The following NECAP2 variants were observed in gnomAD, a reference collection of about 807,000 sequenced individuals.
The protein encoded by NECAP2 is adaptin ear-binding coat-associated protein 2.
In NECAP2, 38 loss-of-function variants were observed where a neutral mutation model predicts 37.8. The ratio of observed to expected loss-of-function variants is 1.01; its 90% confidence interval spans 0.78 to 1.32. NECAP2 has a LOEUF of 1.32. Ranked by LOEUF, NECAP2 falls within the 40% of genes most tolerant of loss-of-function variation. NECAP2 has a pLI of 0.00. For missense variants in NECAP2, 316 were observed against 334.5 expected, an observed-to-expected ratio of 0.94 and a Z score of 0.43; for synonymous variants, 121 against 127.7, an observed-to-expected ratio of 0.95 and a Z score of 0.35.
At chr1:16,451,703 G>C in intron 5 of NECAP2, 135 bp from the exon 6 acceptor site, 2 of 782,008 alleles carry the variant, frequency 2.6e-6, no homozygotes, top group Non-Finnish European at 4.4e-6. Flanking sequence ...TAGCAATGGA[G>C]GTGCTAGGTA....
intron 1 of NECAP2, among the ~76,000 whole-genome samples, chr1:16,442,099 CTCCCGAGTAGCTG>C (rs778679410): frequency 6.6e-6 from 1 of 151,962 alleles, no homozygotes; most frequent in Non-Finnish European, 1.5e-5. Context: ...CTGCCTCAGC[CTCCCGAGTAGCTG>C]GGATTACAGC....
At chr1:16,456,500 C>T (rs279788) in intron 7 of NECAP2, among the ~76,000 whole-genome samples, 73,234 of 151,838 alleles carry the variant, frequency 0.48, 18,926 homozygotes, top group South Asian at 0.66. Context: ...GTCCCCAGTA[C>T]CTCCTTCTTC....
intron 2 of NECAP2, among the ~76,000 whole-genome samples, chr1:16,444,788 G>A (rs903128959): frequency 4.6e-5 from 7 of 152,110 alleles, no homozygotes; most frequent in Non-Finnish European, 1.0e-4. Context: ...GTAACACCTC[G>A]TTCTCTGAGG....
At chr1:16,453,844 A>G (rs1349295431) in intron 6 of NECAP2, among the ~76,000 whole-genome samples, 1 of 152,122 alleles carries the variant, frequency 6.6e-6, no homozygotes, top group African/African-American at 2.4e-5. Flanking sequence ...GCTGTGTGCC[A>G]GGTAGAGTTC....
At position 16,451,988 on chromosome 1, in the gene NECAP2, G is replaced by C; in HGVS notation, c.640G>C (p.Val214Leu). 1 of 1,602,856 alleles carries C rather than the reference G, an allele frequency of 6.2e-7. No individual in the cohort carries two copies. Among genetic ancestry groups the C allele is most frequent in the Non-Finnish European group, 8.5e-7 (1 of 1,174,200 alleles). The change falls in exon 6 of 8, where the codon GTC becomes CTC. Residue 214 changes from valine to leucine, a missense_variant. Val to Leu is a conservative substitution (Grantham distance 32, BLOSUM62 1). This residue lies in a region of NECAP2 where 204 missense variants were observed against 188.6 expected (regional missense o/e 1.08). Coordinates refer to ENST00000337132, the MANE Select transcript of NECAP2 (RefSeq NM_018090.5). ...GCAGTTGGCTGTGGGGGGATCCCTC[G>C]TCCAGCCAGCAGTTGCTCCCAGTTC... is the stretch of plus-strand genomic sequence containing the variant. ...GEQLAVGGSL[V>L]QPAVAPSSGG...
At chr1:16,447,825 G>C in intron 2 of NECAP2, 45 bp from the exon 3 acceptor site, 2 of 1,541,872 alleles carry the variant, frequency 1.3e-6, no homozygotes, top group Middle Eastern at 3.4e-4. Context: ...ACCTTGGCTG[G>C]AAGGGGGCTC....
chr1:16,441,186 G>T, intron 1 of NECAP2: 1 of 310,552 alleles, frequency 3.2e-6, no homozygotes, highest in Non-Finnish European at 6.1e-6. Flanking sequence ...TGGCCTTGAA[G>T]GGATCCTCGA....
At chr1:16,450,375 TGGGGACTTGCCCA>T in intron 5 of NECAP2, 1 of 320,898 alleles carries the variant, frequency 3.1e-6, no homozygotes, top group Non-Finnish European at 6.1e-6. Flanking sequence ...TAGGGAGGGT[TGGGGACTTGCCCA>T]GGGTCACAGA....
At chr1:16,455,778 C>G (rs779296728) in intron 6 of NECAP2, 40 bp from the exon 7 acceptor site, 3 of 1,545,312 alleles carry the variant, frequency 1.9e-6, no homozygotes, top group Non-Finnish European at 2.7e-6. Flanking sequence ...TCTCTGTCCC[C>G]TCTTCTCTTC....
Position 16,449,101 on chromosome 1 carries a change from A to T in NECAP2, c.389A>T (p.Lys130Ile). 3.7e-6 allele frequency: 6 copies of T among 1,612,270 alleles called. No homozygotes were observed. The highest frequency in any genetic ancestry group is 5.1e-6 in the Non-Finnish European group (6 of 1,179,066). The stretch of plus-strand genomic sequence containing the variant: ...TCATGTTCTCTCCCCAGGTGGGTGA[A>T]ACAGCAGTGTGAATTTGCAAAACAA... ...VALQDHFKWV[K>I]QQCEFAKQAQ... is the part of the protein sequence containing the mutation. The change falls in exon 5 of 8, where the codon AAA becomes ATA. Residue 130 changes from lysine to isoleucine, a missense_variant. This residue lies in a region of NECAP2 where 204 missense variants were observed against 188.6 expected (regional missense o/e 1.08). Coordinates refer to ENST00000337132, the MANE Select transcript of NECAP2 (RefSeq NM_018090.5).
intron 4 of NECAP2, among the ~76,000 whole-genome samples, chr1:16,448,821 G>A (rs1303318193): frequency 1.3e-5 from 2 of 152,176 alleles, no homozygotes; most frequent in Non-Finnish European, 2.9e-5. Context: ...GACCCTCTAC[G>A]TAAGTGATCT....
chr1:16,445,808 G>A (rs1429133522), intron 2 of NECAP2, among the ~76,000 whole-genome samples: 1 of 152,102 alleles, frequency 6.6e-6, no homozygotes, highest in Non-Finnish European at 1.5e-5. Context: ...GGAGGCTGAG[G>A]CACAAGAATC....
intron 2 of NECAP2, among the ~76,000 whole-genome samples, chr1:16,447,388 A>G (rs2086779531): frequency 1.3e-5 from 2 of 152,186 alleles, no homozygotes; most frequent in Admixed American, 6.5e-5. Context: ...TATGGGTATG[A>G]AAACTTCCTC....
At position 16,459,003 on chromosome 1, in the gene NECAP2, C is replaced by T. The variant is rs2086971554; in HGVS notation, c.*113C>T. 1.3e-6 allele frequency: 2 copies of T among 1,586,302 alleles called. No individual in the cohort carries two copies. Among genetic ancestry groups the T allele is most frequent in the Non-Finnish European group, 1.7e-6 (2 of 1,166,654 alleles). On this transcript the variant is annotated 3_prime_UTR_variant, in exon 8 of 8. Coordinates refer to ENST00000337132, the MANE Select transcript of NECAP2 (RefSeq NM_018090.5). The stretch of plus-strand genomic sequence containing the variant: ...GCCTGTGTTTGGGGCATGAATCTCT[C>T]CTCTCCTCCTTGTCTGGCTCTGTTG...
At chr1:16,457,691 A>G (rs2086940882) in intron 7 of NECAP2, among the ~76,000 whole-genome samples, 1 of 151,800 alleles carries the variant, frequency 6.6e-6, no homozygotes, top group Non-Finnish European at 1.5e-5. Context: ...TTCCATTTAC[A>G]AAATATAGTA....
In NECAP2 at chr1:16,459,948, T is replaced by C. The variant is rs1352283416; in HGVS notation, c.*1058T>C. 1 of 152,234 alleles carries C rather than the reference T, an allele frequency of 6.6e-6. No individual in the cohort carries two copies. The highest frequency in any genetic ancestry group is 2.4e-5 in the African/African-American group (1 of 41,454). 9.4% of individuals were successfully genotyped at this position (152,234 alleles called of 1,614,324 possible). ...AAGAAATCTGAAAGCACCTCTGACATTCCTTTTATTAACTCACCTCTCAGT... is the reference window on the plus strand; with the variant it reads ...AAGAAATCTGAAAGCACCTCTGACACTCCTTTTATTAACTCACCTCTCAGT... On this transcript the variant is annotated 3_prime_UTR_variant, in exon 8 of 8. Coordinates refer to ENST00000337132, the MANE Select transcript of NECAP2 (RefSeq NM_018090.5).
intron 1 of NECAP2, 130 bp downstream of exon 1, chr1:16,440,983 C>T (rs1025471600): frequency 1.4e-6 from 1 of 717,528 alleles, no homozygotes; most frequent in Non-Finnish European, 2.4e-6. Flanking sequence ...GCTGCTGCTT[C>T]TTCCAGTTCC....
intron 7 of NECAP2, 131 bp downstream of exon 7, chr1:16,456,024 CTT>C (rs56097788): frequency 0.026 from 12,290 of 467,814 alleles, no homozygotes; most frequent in South Asian, 0.037. Context: ...GTTTTCTTTT[CTT>C]TTTTTTTTTT....
intron 2 of NECAP2, among the ~76,000 whole-genome samples, chr1:16,446,553 C>A (rs965168943): frequency 6.6e-6 from 1 of 151,930 alleles, no homozygotes; most frequent in African/African-American, 2.4e-5. Flanking sequence ...CAGAGCATGA[C>A]CCTGTTTCTT....
Sources: gnomAD v4.1 joint callset for allele counts (sites outside exome capture counted in the v4.1 genomes callset) on GRCh38, gnomAD v4.1.1 for gene constraint, gnomAD v4.1.1 regional missense constraint, MANE v1.5 for transcripts, NCBI Gene and HGNC (gene_info 2026-07-23, HGNC 2026-07-21) for gene names.